Variants in AGFG1 observed in about 807,000 individuals in gnomAD.
AGFG1 encodes the protein arf-GAP domain and FG repeat-containing protein 1.
Under a neutral mutation model 60.6 loss-of-function variants are expected in AGFG1, and 10 were observed. The ratio of observed to expected loss-of-function variants is 0.16; its 90% CI spans 0.10 to 0.28. AGFG1 has a LOEUF of 0.28. AGFG1 is among the 10% of genes least tolerant of loss of function. AGFG1 has a pLI of 1.00. For synonymous variants in AGFG1, 247 were observed against 242.9 expected, an observed-to-expected ratio of 1.02 and a Z score of -0.16; for missense variants, 537 against 676.5, an observed-to-expected ratio of 0.79 and a Z score of 2.29.
chr2:227,498,557 C>T (rs750838639), intron 2 of AGFG1, among the ~76,000 whole-genome samples: 2 of 152,112 alleles, frequency 1.3e-5, no homozygotes, highest in Non-Finnish European at 2.9e-5. Flanking sequence ...TATGGCTCTT[C>T]TAAATATTAG....
At chr2:227,535,388 A>G (rs1692277616) in intron 8 of AGFG1, among the ~76,000 whole-genome samples, 2 of 152,228 alleles carry the variant, frequency 1.3e-5, no homozygotes, top group African/African-American at 2.4e-5. Flanking sequence ...TTAAACAGTG[A>G]AAGTCCCATA....
At chr2:227,487,985 A>G (rs1193629135) in intron 1 of AGFG1, among the ~76,000 whole-genome samples, 2 of 152,246 alleles carry the variant, frequency 1.3e-5, no homozygotes, top group South Asian at 4.1e-4. Flanking sequence ...AGAAAGCAAC[A>G]TGAACACATA....
chr2:227,537,140 T>A, intron 10 of AGFG1, 147 bp downstream of exon 10: 1 of 617,694 alleles, frequency 1.6e-6, no homozygotes, highest in South Asian at 2.7e-5. Flanking sequence ...AGACAAATTC[T>A]AGCTGAAAGT....
At chr2:227,492,073 A>G (rs1690836006) in intron 2 of AGFG1, among the ~76,000 whole-genome samples, 1 of 152,006 alleles carries the variant, frequency 6.6e-6, no homozygotes, top group African/African-American at 2.4e-5. Context: ...GGTGATGTGT[A>G]ATGTTTAGCA....
At chr2:227,537,101 T>G in intron 10 of AGFG1, 108 bp downstream of exon 10, 5 of 856,802 alleles carry the variant, frequency 5.8e-6, no homozygotes, top group Non-Finnish European at 9.4e-6. Context: ...GTGAAGTGAA[T>G]GGCAATGGAT....
chr2:227,524,768 G>A lies in AGFG1; in HGVS notation c.547G>A (p.Val183Ile). 6.2e-7 allele frequency: 1 copy of A among 1,614,126 alleles called. No individual in the cohort carries two copies. The highest frequency in any genetic ancestry group is 8.5e-7 in the Non-Finnish European group (1 of 1,179,974). The change falls in exon 5 of 13, where the codon GTT becomes ATT. Residue 183 changes from valine (V) to isoleucine (I), a missense_variant. Coordinates refer to ENST00000310078, the MANE Select transcript of AGFG1 (RefSeq NM_004504.5). ...LNKGTPSQSP[V>I]VGRSQGQQQE... ...GTTAATATGTGGTTTGTAGTCCCCA[G>A]TTGTAGGTCGTTCTCAAGGGCAGCA...
intron 5 of AGFG1, among the ~76,000 whole-genome samples, 170 bp downstream of exon 5, chr2:227,525,085 C>A (rs1691951966): frequency 2.0e-5 from 3 of 152,002 alleles, no homozygotes; most frequent in Middle Eastern, 6.8e-3. Context: ...GCTTTTTAAT[C>A]ACAGAAGAGA....
At chr2:227,542,667 G>A (rs1692526110) in intron 10 of AGFG1, among the ~76,000 whole-genome samples, 1 of 152,168 alleles carries the variant, frequency 6.6e-6, no homozygotes, top group Admixed American at 6.5e-5. Flanking sequence ...GATGATGCTG[G>A]CCTCATAAAA....
intron 2 of AGFG1, among the ~76,000 whole-genome samples, chr2:227,499,732 T>C (rs1691092118): frequency 6.6e-6 from 1 of 151,978 alleles, no homozygotes. Context: ...CCTGTATTAG[T>C]AGTATGTGGC....
chr2:227,484,688 GTT>G (rs745570416), intron 1 of AGFG1, among the ~76,000 whole-genome samples: 61 of 25,094 alleles, frequency 2.4e-3, no homozygotes, highest in East Asian at 6.3e-3. Context: ...TTTTTTTTTT[GTT>G]TTTTTTTTTT....
intron 10 of AGFG1, among the ~76,000 whole-genome samples, chr2:227,549,456 G>T (rs1692754606): frequency 6.6e-6 from 1 of 152,120 alleles, no homozygotes; most frequent in East Asian, 1.9e-4. Context: ...ATCTGTACAA[G>T]ATGCCTTTTT....
intron 5 of AGFG1, among the ~76,000 whole-genome samples, chr2:227,529,154 A>G (rs1277844925): frequency 2.0e-5 from 3 of 152,154 alleles, no homozygotes; most frequent in Non-Finnish European, 4.4e-5. Flanking sequence ...TTTTCCTTCT[A>G]CTATGGTTGA....
Position 227,520,678 on chromosome 2 carries a change from A to G in AGFG1, c.377+615A>G, listed in dbSNP as rs552722127. ...AGCCCCTTGCTATGGAATAGGGACT[A>G]TATCTATAAAGCTAGTGTTCAGCTA... On this transcript the variant is annotated intron_variant, in intron 3 of 12. Transcript: ENST00000310078. Among the ~76,000 whole-genome samples the G allele has an allele frequency of 5.9e-5, 9 of 152,336 alleles. No homozygotes were observed. In the South Asian group the frequency reaches 8.3e-4, roughly 14 times the overall value.
Position 227,554,462 on chromosome 2 carries a change from A to G in AGFG1, c.1656A>G (p.Pro552=), listed in dbSNP as rs1692911806. 6.2e-6 allele frequency: 10 copies of G among 1,613,660 alleles called. No individual in the cohort carries two copies. Among genetic ancestry groups the G allele is most frequent in the Non-Finnish European group, 8.5e-6 (10 of 1,179,748 alleles). Residue 552 remains proline (P), a synonymous_variant, in exon 13 of 13, where the codon CCA becomes CCG. Coordinates refer to ENST00000310078, the MANE Select transcript of AGFG1 (RefSeq NM_004504.5). ...CTGGTGCACCAACAGGACAATTTCC[A>G]ACAGGAAGCTCATCAACCAATCCTT... ...FMTGAPTGQF[P]TGSSSTNPFL is the part of the protein sequence containing the mutation.
Position 227,472,427 on chromosome 2 carries a change from G to A in AGFG1, c.6G>A (p.Ala2=), listed in dbSNP as rs899355205. The change falls in exon 1 of 13, where the codon GCG becomes GCA. Residue 2 remains alanine, a synonymous_variant. Coordinates refer to ENST00000310078, the MANE Select transcript of AGFG1 (RefSeq NM_004504.5). ...CCTCCCTTGGCGCCGCGGCCATGGC[G>A]GCCAGCGCGAAGCGGAAGCAGGAGG... is the stretch of plus-strand genomic sequence containing the variant. M[A]ASAKRKQEEK... 2 of 1,512,916 alleles carry A rather than the reference G, an allele frequency of 1.3e-6. No homozygotes were observed. Among genetic ancestry groups the A allele is most frequent in the East Asian group, 2.9e-5 (1 of 34,722 alleles). 93.7% of individuals were successfully genotyped at this position (1,512,916 alleles called of 1,614,324 possible). A position where few individuals can be genotyped will look rare whatever the true frequency, so the allele number is the denominator to read the frequency against.
rs1693014614 is a variant in AGFG1, at chr2:227,557,661, T to C, written c.*3166T>C. The C allele has an allele frequency of 1.3e-5, 2 of 152,194 alleles. No homozygotes were observed. Among genetic ancestry groups the C allele is most frequent in the Admixed American group, 6.5e-5 (1 of 15,274 alleles). The allele number at this position is 152,194 out of a possible 1,614,324, so 9.4% of individuals were successfully genotyped here. A position where few individuals can be genotyped will look rare whatever the true frequency, so the allele number is the denominator to read the frequency against. ...ACATAAATACCATTTTTGATAAAAA[T>C]AACTTTTCCAAAACAAAAACTAATG... On this transcript the variant is annotated 3_prime_UTR_variant, in exon 13 of 13. Transcript: ENST00000310078.
chr2:227,523,109 C>T (rs1431805852), intron 3 of AGFG1, among the ~76,000 whole-genome samples: 1 of 152,160 alleles, frequency 6.6e-6, no homozygotes, highest in Non-Finnish European at 1.5e-5. Flanking sequence ...CTGGAAGTGG[C>T]ACTTCTGGTG....
chr2:227,479,136 G>A (rs1399851773), intron 1 of AGFG1, among the ~76,000 whole-genome samples: 2 of 152,190 alleles, frequency 1.3e-5, no homozygotes, highest in Non-Finnish European at 2.9e-5. Context: ...TTCTCAGAGG[G>A]AAGGAGAAAC....
At chr2:227,486,230 T>G (rs1011924619) in intron 1 of AGFG1, among the ~76,000 whole-genome samples, 3 of 152,220 alleles carry the variant, frequency 2.0e-5, no homozygotes, top group African/African-American at 7.2e-5. Context: ...TGGTTTCAGC[T>G]TAATTTTTAA....
Sources: gnomAD v4.1 joint callset for allele counts (sites outside exome capture counted in the v4.1 genomes callset) on GRCh38, gnomAD v4.1.1 for gene constraint, MANE v1.5 for transcripts, NCBI Gene and HGNC (gene_info 2026-07-23, HGNC 2026-07-21) for gene names.